Variants in VWC2L observed in about 807,000 individuals in gnomAD.
The protein encoded by VWC2L is von Willebrand factor C domain containing 2 like.
In VWC2L, 10 loss-of-function variants were observed where a neutral mutation model predicts 21.6. The ratio of observed to expected loss-of-function variants is 0.46; its 90% CI spans 0.29 to 0.78. The LOEUF is 0.78. VWC2L is among the 30% of genes least tolerant of loss of function. VWC2L has a pLI of 0.10. For synonymous variants in VWC2L, 96 were observed against 94.3 expected, an observed-to-expected ratio of 1.02 and a Z score of -0.10; for missense variants, 209 against 277.1, an observed-to-expected ratio of 0.75 and a Z score of 1.74.
At chr2:214,504,082 T>C (rs1688933964) in intron 3 of VWC2L, among the ~76,000 whole-genome samples, 2 of 152,238 alleles carry the variant, frequency 1.3e-5, no homozygotes, top group Non-Finnish European at 1.5e-5. Flanking sequence ...TAACTGGTTC[T>C]GTGTACAAAT....
intron 3 of VWC2L, among the ~76,000 whole-genome samples, chr2:214,547,145 T>C (rs896282680): frequency 2.0e-5 from 3 of 152,036 alleles, no homozygotes; most frequent in Middle Eastern, 3.4e-3. Flanking sequence ...CTAATATATA[T>C]GCAGAAGTAA....
intron 3 of VWC2L, among the ~76,000 whole-genome samples, chr2:214,490,322 A>C (rs1337266266): frequency 6.8e-6 from 1 of 146,580 alleles, no homozygotes; most frequent in Non-Finnish European, 1.5e-5. Flanking sequence ...TAAAACACTA[A>C]ATCTTTTTTT....
chr2:214,438,522 T>G (rs187117777), intron 3 of VWC2L, among the ~76,000 whole-genome samples: 2 of 152,070 alleles, frequency 1.3e-5, no homozygotes, highest in Non-Finnish European at 2.9e-5. Flanking sequence ...ATAGTTAAAA[T>G]TTCTTGTCTA....
intron 3 of VWC2L, among the ~76,000 whole-genome samples, chr2:214,575,293 G>C (rs992769554): frequency 6.6e-6 from 1 of 152,102 alleles, no homozygotes; most frequent in African/African-American, 2.4e-5. Context: ...ATCTGAGGCC[G>C]ACCATGTCAG....
At chr2:214,511,479 A>AAG (rs1233435628) in intron 3 of VWC2L, among the ~76,000 whole-genome samples, 1 of 151,876 alleles carries the variant, frequency 6.6e-6, no homozygotes, top group Non-Finnish European at 1.5e-5. Flanking sequence ...TAAGAAGAGG[A>AAG]AGAGAGAGAG....
intron 3 of VWC2L, among the ~76,000 whole-genome samples, chr2:214,485,601 T>A (rs1485665988): frequency 6.6e-6 from 1 of 152,212 alleles, no homozygotes; most frequent in East Asian, 1.9e-4. Flanking sequence ...AAGGAAAGAT[T>A]CTTCCTGAAA....
intron 3 of VWC2L, among the ~76,000 whole-genome samples, chr2:214,445,990 A>G (rs979726255): frequency 2.6e-5 from 4 of 152,170 alleles, no homozygotes; most frequent in African/African-American, 9.6e-5. Context: ...TTATGCATCT[A>G]TTAGGGAAAT....
intron 3 of VWC2L, among the ~76,000 whole-genome samples, chr2:214,460,622 C>CT (rs1281155972): frequency 6.6e-6 from 1 of 151,894 alleles, no homozygotes; most frequent in African/African-American, 2.4e-5. Flanking sequence ...TCATTTGGTT[C>CT]TTTTTTATAA....
At chr2:214,569,004 T>C (rs746306965) in intron 3 of VWC2L, among the ~76,000 whole-genome samples, 5 of 152,184 alleles carry the variant, frequency 3.3e-5, no homozygotes, top group African/African-American at 4.8e-5. Context: ...TAGGGGCTTT[T>C]CCCTTAGGAC....
At chr2:214,535,267 A>G (rs867487630) in intron 3 of VWC2L, among the ~76,000 whole-genome samples, 2 of 152,094 alleles carry the variant, frequency 1.3e-5, no homozygotes, top group Non-Finnish European at 2.9e-5. Flanking sequence ...CAATATCACC[A>G]GTCAAATTCT....
intron 3 of VWC2L, among the ~76,000 whole-genome samples, chr2:214,485,322 A>C (rs540856251): frequency 6.6e-6 from 1 of 152,178 alleles, no homozygotes; most frequent in East Asian, 1.9e-4. Context: ...AAAGAAAAAA[A>C]AAGTGTGTAT....
intron 3 of VWC2L, among the ~76,000 whole-genome samples, chr2:214,490,377 TTCAGTGTAGA>T (rs567720253): frequency 7.4e-4 from 113 of 152,190 alleles, no homozygotes; most frequent in African/African-American, 2.6e-3. Context: ...TTCTGACTGA[TTCAGTGTAGA>T]TCATATGTCT....
At chr2:214,541,391 A>T (rs1689624223) in intron 3 of VWC2L, among the ~76,000 whole-genome samples, 1 of 152,178 alleles carries the variant, frequency 6.6e-6, no homozygotes, top group African/African-American at 2.4e-5. Context: ...GTGGACTCCT[A>T]ATCCCATTGT....
At chr2:214,424,535 T>G (rs1702493908) in intron 2 of VWC2L, among the ~76,000 whole-genome samples, 1 of 152,166 alleles carries the variant, frequency 6.6e-6, no homozygotes, top group South Asian at 2.1e-4. Flanking sequence ...AGAGAGATAA[T>G]AGTAGACAGT....
intron 3 of VWC2L, among the ~76,000 whole-genome samples, chr2:214,461,946 C>T (rs749669875): frequency 5.9e-5 from 9 of 152,192 alleles, no homozygotes; most frequent in Non-Finnish European, 1.5e-5. Flanking sequence ...CTGCACTGCT[C>T]GTTCCCTGTA....
At chr2:214,413,618 T>A (rs547336748) in intron 1 of VWC2L, among the ~76,000 whole-genome samples, 244 of 152,320 alleles carry the variant, frequency 1.6e-3, no homozygotes, top group Non-Finnish European at 2.6e-3. Flanking sequence ...AGCTCCTTCC[T>A]AAATATAATT....
At position 214,446,865 on chromosome 2, in the gene VWC2L, T is replaced by C. The variant is rs73072768; in HGVS notation, c.520+10107T>C. ...TGGAAGGGTGTTGAACACATACATA[T>C]GGAATTTTTTTTCATAAACATTCAT... is the stretch of plus-strand genomic sequence containing the variant. On this transcript the variant is annotated intron_variant, in intron 3 of 3. Coordinates refer to ENST00000312504, the MANE Select transcript of VWC2L (RefSeq NM_001080500.4). 1.6e-4 allele frequency among the ~76,000 whole-genome samples: 25 copies of C among 152,126 alleles called. No individual in the cohort carries two copies. In the East Asian group the frequency reaches 4.1e-3, roughly 25 times the overall value.
At chr2:214,483,902 C>A (rs1165522337) in intron 3 of VWC2L, among the ~76,000 whole-genome samples, 3 of 152,120 alleles carry the variant, frequency 2.0e-5, no homozygotes, top group African/African-American at 7.2e-5. Flanking sequence ...AACCACAGAA[C>A]ATTTATTCTC....
At chr2:214,422,281 C>T (rs1702454660) in intron 2 of VWC2L, among the ~76,000 whole-genome samples, 1 of 146,404 alleles carries the variant, frequency 6.8e-6, no homozygotes, top group African/African-American at 2.6e-5. Context: ...ATTTTAATTG[C>T]TCCATACATG....
Sources: allele counts gnomAD v4.1 joint callset (sites outside exome capture counted in the v4.1 genomes callset), GRCh38; gene constraint gnomAD v4.1.1; transcripts MANE v1.5; gene names NCBI Gene and HGNC (gene_info 2026-07-23, HGNC 2026-07-21).